HECTD2: variants seen among roughly 807,000 people sequenced by gnomAD.
HECTD2 encodes the protein probable E3 ubiquitin-protein ligase HECTD2.
In HECTD2, 35 loss-of-function variants were observed where a neutral mutation model predicts 103.2. That is an observed-to-expected ratio of 0.34 (90% CI 0.26 to 0.45). The LOEUF is 0.45. HECTD2 is among the 20% of genes least tolerant of loss of function. The pLI is 1.00. For synonymous variants in HECTD2, 281 were observed against 329.9 expected (o/e 0.85, Z 1.61); for missense variants, 596 against 937.4 (o/e 0.64, Z 4.76).
chr10:91,414,486 C>T (rs1843042532), intron 1 of HECTD2, among the ~76,000 whole-genome samples: 1 of 152,030 alleles, frequency 6.6e-6, no homozygotes, highest in Admixed American at 6.6e-5. Context: ...ACAAAAAATG[C>T]AAAAAGACAA....
chr10:91,445,377 C>T (rs1193043809), intron 2 of HECTD2, among the ~76,000 whole-genome samples: 3 of 152,134 alleles, frequency 2.0e-5, no homozygotes, highest in Middle Eastern at 3.2e-3. Context: ...AAAAAGTTTG[C>T]TGCTGGTTAC....
intron 5 of HECTD2, among the ~76,000 whole-genome samples, chr10:91,476,776 G>T (rs907304672): frequency 6.6e-6 from 1 of 152,198 alleles, no homozygotes; most frequent in Non-Finnish European, 1.5e-5. Flanking sequence ...TTGAAGTTCT[G>T]TGGGCACCTG....
At chr10:91,414,164 AGAACCCT>A (rs1843030998) in intron 1 of HECTD2, among the ~76,000 whole-genome samples, 1 of 152,224 alleles carries the variant, frequency 6.6e-6, no homozygotes, top group Non-Finnish European at 1.5e-5. Flanking sequence ...TACATGGGGT[AGAACCCT>A]CTGGATAGGG....
intron 15 of HECTD2, among the ~76,000 whole-genome samples, chr10:91,496,715 A>C (rs1354434840): frequency 6.6e-6 from 1 of 152,142 alleles, no homozygotes; most frequent in Non-Finnish European, 1.5e-5. Context: ...GATGACAATT[A>C]TATCAAATCT....
chr10:91,467,367 C>G (rs558775604), intron 5 of HECTD2, among the ~76,000 whole-genome samples: 1 of 152,250 alleles, frequency 6.6e-6, no homozygotes, highest in South Asian at 2.1e-4. Flanking sequence ...CCTCAAGGCT[C>G]ACTGTGCTCC....
intron 20 of HECTD2, among the ~76,000 whole-genome samples, chr10:91,504,240 G>A (rs896184292): frequency 2.6e-5 from 4 of 152,334 alleles, no homozygotes; most frequent in East Asian, 1.9e-4. Context: ...CCAAAGGAAC[G>A]CAGCTCCTCA....
At chr10:91,449,870 A>G (rs973452978) in intron 2 of HECTD2, among the ~76,000 whole-genome samples, 6 of 152,188 alleles carry the variant, frequency 3.9e-5, no homozygotes, top group Non-Finnish European at 8.8e-5. Context: ...CCTCAAGGAA[A>G]TAAGAGAGAA....
chr10:91,418,330 C>G (rs1843214362), intron 1 of HECTD2, among the ~76,000 whole-genome samples: 1 of 152,090 alleles, frequency 6.6e-6, no homozygotes, highest in Admixed American at 6.6e-5. Context: ...TGAATAAAAT[C>G]TCTAATGCCA....
chr10:91,425,178 T>C, intron 1 of HECTD2, 103 bp from the exon 2 acceptor site: 1 of 959,420 alleles, frequency 1.0e-6, no homozygotes, highest in South Asian at 3.6e-5. Flanking sequence ...TATTATCTAC[T>C]CGTCATCAAA....
In HECTD2 at chr10:91,425,533, C is replaced by T. The variant is rs187818828; in HGVS notation, c.268+123C>T. 332 of 605,572 alleles carry T rather than the reference C, an allele frequency of 5.5e-4. 6 individuals carry two copies. Among genetic ancestry groups the T allele is most frequent in the African/African-American group, 4.9e-3 (255 of 51,788 alleles). 37.5% of individuals were successfully genotyped at this position (605,572 alleles called of 1,614,324 possible). A position where few individuals can be genotyped will look rare whatever the true frequency, so the allele number is the denominator to read the frequency against. On this transcript the variant is annotated intron_variant, in intron 2 of 20. Transcript: ENST00000298068. ...TAATACAACAAAAAGAAGCTGTATA[C>T]GTATTTACCAGAAGCAGCAAAATCT...
chr10:91,503,516 G>C (rs1439334347), intron 20 of HECTD2, among the ~76,000 whole-genome samples: 3 of 152,114 alleles, frequency 2.0e-5, no homozygotes, highest in Admixed American at 6.5e-5. Context: ...AAGGGGTGAC[G>C]GACAGCACCT....
chr10:91,451,278 A>C (rs1447465143), intron 2 of HECTD2, among the ~76,000 whole-genome samples: 2 of 152,072 alleles, frequency 1.3e-5, no homozygotes, highest in Non-Finnish European at 2.9e-5. Flanking sequence ...GGAACAGAAA[A>C]CCGAACACCA....
intron 2 of HECTD2, among the ~76,000 whole-genome samples, chr10:91,458,769 T>C (rs1589506499): frequency 6.6e-6 from 1 of 152,090 alleles, no homozygotes; most frequent in East Asian, 1.9e-4. Context: ...AAATGTTAAA[T>C]TATTGGACTT....
chr10:91,453,787 G>A (rs183244897), intron 2 of HECTD2, among the ~76,000 whole-genome samples: 1 of 152,158 alleles, frequency 6.6e-6, no homozygotes, highest in African/African-American at 2.4e-5. Context: ...CTATTTATAA[G>A]AAATTTGCTT....
chr10:91,491,496 A>G (rs1846476828), intron 12 of HECTD2, among the ~76,000 whole-genome samples, 189 bp downstream of exon 12: 1 of 152,186 alleles, frequency 6.6e-6, no homozygotes, highest in South Asian at 2.1e-4. Flanking sequence ...ATCTGTATTC[A>G]TAATTGTCTT....
At chr10:91,433,098 A>C (rs1843962910) in intron 2 of HECTD2, among the ~76,000 whole-genome samples, 2 of 152,022 alleles carry the variant, frequency 1.3e-5, no homozygotes, top group Admixed American at 1.3e-4. Flanking sequence ...AACTCCATCT[A>C]CAGGTTTCCT....
chr10:91,429,327 G>T, intron 2 of HECTD2, among the ~76,000 whole-genome samples: 1 of 152,206 alleles, frequency 6.6e-6, no homozygotes, highest in East Asian at 1.9e-4. Flanking sequence ...AAGGATATTG[G>T]TCTAAAATTC....
chr10:91,500,470 A>T, intron 18 of HECTD2, 32 bp from the exon 19 acceptor site: 1 of 1,027,222 alleles, frequency 9.7e-7, no homozygotes, highest in Non-Finnish European at 1.5e-6. Context: ...ATCACTCTTT[A>T]ATTATTGTTT....
At chr10:91,448,875 G>A (rs1236467097) in intron 2 of HECTD2, among the ~76,000 whole-genome samples, 1 of 65,788 alleles carries the variant, frequency 1.5e-5, no homozygotes, top group African/African-American at 6.3e-5. Flanking sequence ...TGAAATGGAG[G>A]CAGTAATTAA....
Sources: allele counts gnomAD v4.1 joint callset (sites outside exome capture counted in the v4.1 genomes callset), GRCh38; gene constraint gnomAD v4.1.1; transcripts MANE v1.5; gene names NCBI Gene and HGNC (gene_info 2026-07-23, HGNC 2026-07-21).